Variants in SRBD1 observed in about 807,000 individuals in gnomAD.
SRBD1 encodes the protein S1 RNA-binding domain-containing protein 1.
SRBD1 carries 88 observed loss-of-function variants against 115.3 expected under a neutral mutation model. The observed-to-expected ratio is 0.76, with a 90% CI of 0.64 to 0.91. The LOEUF (loss-of-function observed/expected upper bound fraction) is 0.91. SRBD1 is among the 40% of genes least tolerant of loss of function. SRBD1 has a pLI of 0.00. For synonymous variants in SRBD1, 509 were observed against 407.7 expected (o/e 1.25, Z -2.99); for missense variants, 1,385 against 1,177.4 (o/e 1.18, Z -2.58).
chr2:45,595,378 A>C (rs949088357), intron 4 of SRBD1, among the ~76,000 whole-genome samples: 9 of 152,250 alleles, frequency 5.9e-5, no homozygotes, highest in Admixed American at 2.0e-4. Context: ...GTAATACTTA[A>C]TAATTTCCAT....
chr2:45,452,216 T>C (rs1465214308), intron 16 of SRBD1, among the ~76,000 whole-genome samples: 3 of 151,992 alleles, frequency 2.0e-5, no homozygotes, highest in Non-Finnish European at 4.4e-5. Flanking sequence ...TTCAGAAATT[T>C]GGGCTTTCAC....
At chr2:45,547,422 A>G in intron 13 of SRBD1, 100 bp downstream of exon 13, 1 of 1,008,920 alleles carries the variant, frequency 9.9e-7, no homozygotes, top group Non-Finnish European at 1.5e-6. Context: ...GTCTCTCACA[A>G]AGGCACCTCC....
At chr2:45,553,076 G>C (rs536752758) in intron 11 of SRBD1, among the ~76,000 whole-genome samples, 1 of 152,180 alleles carries the variant, frequency 6.6e-6, no homozygotes, top group Non-Finnish European at 1.5e-5. Context: ...AAGCAAGAGA[G>C]AGGAGTTTTG....
chr2:45,431,165 C>T (rs12619064), intron 16 of SRBD1, among the ~76,000 whole-genome samples: 36,784 of 151,790 alleles, frequency 0.24, 6,275 homozygotes, highest in African/African-American at 0.47. Context: ...TGTGGAGAAA[C>T]TGGAACACTT....
chr2:45,522,808 G>A (rs541130861), intron 14 of SRBD1, among the ~76,000 whole-genome samples: 2 of 152,010 alleles, frequency 1.3e-5, no homozygotes, highest in South Asian at 4.2e-4. Context: ...TTACTTTATT[G>A]TAACAATATC....
intron 16 of SRBD1, among the ~76,000 whole-genome samples, chr2:45,453,360 T>A (rs369715619): frequency 1.3e-5 from 2 of 151,796 alleles, no homozygotes; most frequent in East Asian, 1.9e-4. Flanking sequence ...TGGTGGCCCC[T>A]CCAGAGTTAA....
At chr2:45,410,470 G>A (rs1667566859) in intron 19 of SRBD1, among the ~76,000 whole-genome samples, 1 of 152,102 alleles carries the variant, frequency 6.6e-6, no homozygotes. Context: ...GCCAAAAACT[G>A]GAAATAAGCA....
At chr2:45,427,235 G>A (rs6544817) in intron 16 of SRBD1, among the ~76,000 whole-genome samples, 120,708 of 151,972 alleles carry the variant, frequency 0.79, 48,701 homozygotes, top group African/African-American at 0.91. Context: ...TTCATGAAGT[G>A]TACACAGTAT....
chr2:45,473,156 T>C (rs17033719), intron 16 of SRBD1, among the ~76,000 whole-genome samples: 5,096 of 152,154 alleles, frequency 0.033, 289 homozygotes, highest in African/African-American at 0.12. Context: ...GATGAAATTA[T>C]AAACTTTTTA....
chr2:45,473,436 G>A (rs973109721), intron 16 of SRBD1, among the ~76,000 whole-genome samples: 4 of 152,118 alleles, frequency 2.6e-5, no homozygotes, highest in African/African-American at 7.2e-5. Context: ...TGTTTCCCAT[G>A]TTATGTCTTT....
At chr2:45,492,013 G>C (rs1026200646) in intron 14 of SRBD1, among the ~76,000 whole-genome samples, 1 of 152,020 alleles carries the variant, frequency 6.6e-6, no homozygotes, top group East Asian at 1.9e-4. Context: ...ATAGAGACGG[G>C]GTTTTGCCGT....
At chr2:45,575,033 C>T (rs1349408178) in intron 7 of SRBD1, among the ~76,000 whole-genome samples, 1 of 152,166 alleles carries the variant, frequency 6.6e-6, no homozygotes, top group Non-Finnish European at 1.5e-5. Flanking sequence ...CTACTTGACT[C>T]CTCTGTACCT....
chr2:45,572,739 A>T (rs10171114), intron 9 of SRBD1, among the ~76,000 whole-genome samples: 13,457 of 152,190 alleles, frequency 0.088, 1,119 homozygotes, highest in African/African-American at 0.22. Flanking sequence ...CAATGTAGAT[A>T]TAGCCTACGA....
chr2:45,465,056 T>A (rs929299259), intron 16 of SRBD1, among the ~76,000 whole-genome samples: 4 of 136,790 alleles, frequency 2.9e-5, no homozygotes, highest in Non-Finnish European at 6.3e-5. Context: ...CACAGAGTCA[T>A]CCCCTGGTAT....
intron 4 of SRBD1, among the ~76,000 whole-genome samples, chr2:45,586,032 T>C (rs976926708): frequency 6.6e-6 from 1 of 152,176 alleles, no homozygotes; most frequent in African/African-American, 2.4e-5. Context: ...TGAGGGCACT[T>C]TTTAATGATG....
Position 45,419,889 on chromosome 2 carries a change from G to T in SRBD1, c.2055C>A (p.Asp685Glu). The T allele has an allele frequency of 6.2e-7, 1 of 1,612,448 alleles. No homozygotes were observed. Among genetic ancestry groups the T allele is most frequent in the Non-Finnish European group, 8.5e-7 (1 of 1,179,360 alleles). The change falls in exon 17 of 21, where the codon GAC becomes GAA. Residue 685 changes from aspartate (D) to glutamate (E), a missense_variant. Physicochemically the swap from Asp to Glu is conservative, Grantham distance 45. Coordinates refer to ENST00000263736, the MANE Select transcript of SRBD1 (RefSeq NM_018079.5). Reference sequence around the variant, plus strand: ...TTGCCTTGAGTAAAGTCTGGGATACGTCATGCTGAAAAGACAAAGATCAAA... The same window carrying T: ...TTGCCTTGAGTAAAGTCTGGGATACTTCATGCTGAAAAGACAAAGATCAAA... ...KHIGVGMYQH[D>E]VSQTLLKATL... is the part of the protein sequence containing the mutation.
At chr2:45,574,115 T>C (rs1673103627) in intron 8 of SRBD1, among the ~76,000 whole-genome samples, 1 of 152,196 alleles carries the variant, frequency 6.6e-6, no homozygotes, top group Admixed American at 6.5e-5. Context: ...CTTTAATGTC[T>C]GATAAATTGG....
rs1669826219 is a variant in SRBD1, at chr2:45,477,089, A to C, written c.1967-14T>G. ...TTGCTATGGAAACTGAAAAAACAGA[A>C]TCAGAAAACAAGTATGACTTAATGT... On this transcript the variant is annotated splice_polypyrimidine_tract_variant and intron_variant, in intron 15 of 20. Transcript: ENST00000263736. 1 of 1,608,862 alleles carries C rather than the reference A, an allele frequency of 6.2e-7. No homozygotes were observed. The highest frequency in any genetic ancestry group is 1.7e-5 in the Admixed American group (1 of 59,910).
At chr2:45,441,226 A>G (rs1045986004) in intron 16 of SRBD1, among the ~76,000 whole-genome samples, 1 of 152,140 alleles carries the variant, frequency 6.6e-6, no homozygotes, top group African/African-American at 2.4e-5. Context: ...TCCATGTCCC[A>G]TCTCTACATA....
Sources: allele counts gnomAD v4.1 joint callset (sites outside exome capture counted in the v4.1 genomes callset), GRCh38; gene constraint gnomAD v4.1.1; transcripts MANE v1.5; gene names NCBI Gene and HGNC (gene_info 2026-07-23, HGNC 2026-07-21).